The following ADGRB3 variants were observed in gnomAD, a reference collection of about 807,000 sequenced individuals.
The protein encoded by ADGRB3 is brain-specific angiogenesis inhibitor 3.
Under a neutral mutation model 193.4 loss-of-function variants are expected in ADGRB3, and 37 were observed. That is an observed-to-expected ratio of 0.19 (90% CI 0.15 to 0.25). The LOEUF (loss-of-function observed/expected upper bound fraction) is 0.25. Ranked by LOEUF, ADGRB3 falls within the 10% of genes least tolerant of loss-of-function variation. The pLI is 1.00. For missense variants in ADGRB3, 1,637 were observed against 1,852.9 expected (o/e 0.88, Z 2.14); for synonymous variants, 690 against 644.2 (o/e 1.07, Z -1.08).
chr6:69,213,708 T>C (rs1462712214), intron 17 of ADGRB3, among the ~76,000 whole-genome samples: 1 of 152,196 alleles, frequency 6.6e-6, no homozygotes, highest in Non-Finnish European at 1.5e-5. Context: ...ATTATTTTTA[T>C]CTTTTATTGT....
At chr6:69,066,380 A>G (rs1029621675) in intron 16 of ADGRB3, among the ~76,000 whole-genome samples, 7 of 151,998 alleles carry the variant, frequency 4.6e-5, no homozygotes, top group African/African-American at 7.2e-5. Context: ...ATGTGAAAAA[A>G]AAAAGGAAGA....
intron 17 of ADGRB3, among the ~76,000 whole-genome samples, chr6:69,182,226 G>GA (rs1775603642): frequency 6.6e-6 from 1 of 152,078 alleles, no homozygotes; most frequent in Non-Finnish European, 1.5e-5. Flanking sequence ...ATGGCATAGA[G>GA]AAAAATTGCA....
intron 1 of ADGRB3, among the ~76,000 whole-genome samples, chr6:68,636,558 C>CGTTCA (rs1561978482): frequency 6.9e-6 from 1 of 145,946 alleles, no homozygotes; most frequent in African/African-American, 2.5e-5. Context: ...GCTTTTTGAA[C>CGTTCA]GGGCCCTGCA....
intron 17 of ADGRB3, among the ~76,000 whole-genome samples, chr6:69,088,977 A>T (rs1772629887): frequency 6.6e-6 from 1 of 152,218 alleles, no homozygotes; most frequent in Non-Finnish European, 1.5e-5. Flanking sequence ...TGAAAGAAGC[A>T]ATTCTTGTGT....
At position 69,070,641 on chromosome 6, in the gene ADGRB3, G is replaced by A. The variant is rs1023891306; in HGVS notation, c.2437-5354G>A. Among the ~76,000 whole-genome samples, 9 of 152,132 alleles carry A rather than the reference G, an allele frequency of 5.9e-5. No individual in the cohort carries two copies. In the South Asian group the frequency reaches 1.0e-3, roughly 18 times the overall value. The stretch of plus-strand genomic sequence containing the variant: ...TGATGTGAAAAAAAATTATGGAGAG[G>A]CAAGAGTGCCATTATTAAAATGCAG... On this transcript the variant is annotated intron_variant, in intron 16 of 31. Coordinates refer to ENST00000370598, the MANE Select transcript of ADGRB3 (RefSeq NM_001704.3).
chr6:68,658,843 A>G (rs2127285873), intron 3 of ADGRB3, among the ~76,000 whole-genome samples: 1 of 151,236 alleles, frequency 6.6e-6, no homozygotes, highest in African/African-American at 2.4e-5. Context: ...AATTATGATT[A>G]TAGAAGATCA....
At chr6:68,927,761 A>T (rs1466704573) in intron 3 of ADGRB3, among the ~76,000 whole-genome samples, 1 of 152,164 alleles carries the variant, frequency 6.6e-6, no homozygotes, top group Non-Finnish European at 1.5e-5. Context: ...CCATCTGAAA[A>T]AAAAGAATGA....
At chr6:69,023,924 T>A (rs1770346341) in intron 13 of ADGRB3, among the ~76,000 whole-genome samples, 1 of 152,102 alleles carries the variant, frequency 6.6e-6, no homozygotes, top group African/African-American at 2.4e-5. Flanking sequence ...GATATTATGT[T>A]TATTCAACAT....
chr6:68,848,298 A>C (rs1325209453), intron 3 of ADGRB3, among the ~76,000 whole-genome samples: 1 of 152,050 alleles, frequency 6.6e-6, no homozygotes, highest in African/African-American at 2.4e-5. Flanking sequence ...TACATGAATA[A>C]AACACAATCT....
chr6:68,793,995 G>A (rs1010124126), intron 3 of ADGRB3, among the ~76,000 whole-genome samples: 2 of 152,036 alleles, frequency 1.3e-5, no homozygotes, highest in African/African-American at 2.4e-5. Context: ...ACTTTCCACT[G>A]CTGCTTTCTC....
intron 17 of ADGRB3, among the ~76,000 whole-genome samples, chr6:69,221,227 T>C (rs1765886920): frequency 2.0e-5 from 3 of 152,188 alleles, no homozygotes; most frequent in Admixed American, 6.6e-5. Flanking sequence ...TATCTACCCA[T>C]ACGTTCATAA....
intron 21 of ADGRB3, among the ~76,000 whole-genome samples, chr6:69,327,364 TG>T (rs1208646886): frequency 1.3e-5 from 2 of 152,218 alleles, no homozygotes; most frequent in East Asian, 1.9e-4. Context: ...ATAAGATGTA[TG>T]TTTTTTTCTG....
intron 3 of ADGRB3, among the ~76,000 whole-genome samples, chr6:68,924,890 T>C (rs1279405221): frequency 6.6e-6 from 1 of 151,952 alleles, no homozygotes; most frequent in East Asian, 1.9e-4. Flanking sequence ...TGATTAATCT[T>C]ATTTTATGTA....
At position 69,333,048 on chromosome 6, in the gene ADGRB3, T is replaced by G. The variant is rs751548189; in HGVS notation, c.3188+40T>G. ...GTGGATTTTGAAGGTTATTTATCAG[T>G]GAATCCCATACTCCAATTTCAGACC... On this transcript the variant is annotated intron_variant, in intron 24 of 31. Coordinates refer to ENST00000370598, the MANE Select transcript of ADGRB3 (RefSeq NM_001704.3). 8.8e-6 allele frequency: 14 copies of G among 1,590,388 alleles called. No individual in the cohort carries two copies. The South Asian group carries it at 1.6e-4, about 18-fold the overall frequency.
chr6:69,227,265 G>T (rs1766038795), intron 17 of ADGRB3, among the ~76,000 whole-genome samples: 1 of 152,194 alleles, frequency 6.6e-6, no homozygotes, highest in African/African-American at 2.4e-5. Flanking sequence ...ATATATGTGT[G>T]TTAGGAGATG....
intron 11 of ADGRB3, among the ~76,000 whole-genome samples, chr6:68,994,674 G>A (rs1481544186): frequency 1.3e-5 from 2 of 152,236 alleles, no homozygotes; most frequent in Non-Finnish European, 2.9e-5. Flanking sequence ...TTTTTATGCT[G>A]TAGATTCAAA....
intron 17 of ADGRB3, among the ~76,000 whole-genome samples, chr6:69,152,488 G>A (rs900427510): frequency 2.6e-5 from 4 of 152,138 alleles, no homozygotes; most frequent in African/African-American, 4.8e-5. Flanking sequence ...TCTAATCTGC[G>A]ATTCTGTAAT....
intron 17 of ADGRB3, among the ~76,000 whole-genome samples, chr6:69,106,179 A>AG (rs1554143755): frequency 1.6e-4 from 23 of 140,730 alleles, no homozygotes; most frequent in Non-Finnish European, 2.9e-4. Flanking sequence ...AAAAAAAAAA[A>AG]AAAAGAAAAG....
intron 17 of ADGRB3, among the ~76,000 whole-genome samples, chr6:69,230,827 G>A (rs1766118825): frequency 6.6e-6 from 1 of 152,196 alleles, no homozygotes; most frequent in South Asian, 2.1e-4. Flanking sequence ...AGCAGATGCA[G>A]TATTGTGTTT....
Sources: gnomAD v4.1 joint callset for allele counts (sites outside exome capture counted in the v4.1 genomes callset) on GRCh38, gnomAD v4.1.1 for gene constraint, MANE v1.5 for transcripts, NCBI Gene and HGNC (gene_info 2026-07-23, HGNC 2026-07-21) for gene names.